CHL1: variants seen among roughly 807,000 people sequenced by gnomAD.
CHL1 encodes neural cell adhesion molecule L1-like protein.
CHL1 carries 96 observed loss-of-function variants against 141.9 expected under a neutral mutation model. That is an observed-to-expected ratio of 0.68 (90% CI 0.57 to 0.80). The LOEUF is 0.80. Ranked by LOEUF, CHL1 falls within the 30% of genes least tolerant of loss-of-function variation. The pLI is 0.00. For missense variants in CHL1, 1,820 were observed against 1,457.2 expected (o/e 1.25, Z -4.05); for synonymous variants, 613 against 502.2 (o/e 1.22, Z -2.95).
Position 199,353 on chromosome 3 carries a change from TG to T in CHL1, c.-175+2291del. On this transcript the variant is annotated intron_variant, in intron 1 of 27. Transcript: ENST00000256509. Reference sequence around the variant, plus strand: ...ACTTCACTGCAGCACAAGACTATGATGATGAATATATGTTTCCCAGATTGTT... The same window carrying T: ...ACTTCACTGCAGCACAAGACTATGATATGAATATATGTTTCCCAGATTGTT... Among the ~76,000 whole-genome samples the T allele has an allele frequency of 2.6e-5, 4 of 152,344 alleles. No homozygotes were observed. In the Middle Eastern group the frequency reaches 0.01, roughly 389 times the overall value.
At chr3:213,091 C>T (rs1225757330) in intron 1 of CHL1, 1 of 152,150 alleles carries the variant, frequency 6.6e-6, no homozygotes, top group Non-Finnish European at 1.5e-5. Context: ...TTTGTGCCTG[C>T]CCCAGACTCT....
chr3:206,949 A>G (rs1699493770), intron 1 of CHL1, among the ~76,000 whole-genome samples: 1 of 152,206 alleles, frequency 6.6e-6, no homozygotes, highest in South Asian at 2.1e-4. Flanking sequence ...TCCAGATTAA[A>G]ATAGAAATCG....
intron 15 of CHL1, among the ~76,000 whole-genome samples, chr3:369,994 G>C (rs1705415896): frequency 6.6e-6 from 1 of 152,172 alleles, no homozygotes; most frequent in Non-Finnish European, 1.5e-5. Context: ...GCTGGATTTG[G>C]TCTGCCAGTA....
intron 2 of CHL1, among the ~76,000 whole-genome samples, chr3:281,836 A>T (rs1696686360): frequency 6.6e-6 from 1 of 152,226 alleles, no homozygotes; most frequent in African/African-American, 2.4e-5. Context: ...CTGGGATTAC[A>T]GGCGTGAGCC....
intron 1 of CHL1, among the ~76,000 whole-genome samples, chr3:213,979 A>T (rs1700101024): frequency 6.6e-6 from 1 of 152,186 alleles, no homozygotes; most frequent in Admixed American, 6.5e-5. Flanking sequence ...CCCTAATTTG[A>T]GTCAGGTTAG....
chr3:318,354 A>C (rs1376179993), intron 2 of CHL1, among the ~76,000 whole-genome samples: 1 of 151,870 alleles, frequency 6.6e-6, no homozygotes, highest in African/African-American at 2.4e-5. Context: ...GTGTTAGCTA[A>C]CTTTTTTCAC....
chr3:337,507 C>T (rs2125124823), intron 5 of CHL1, among the ~76,000 whole-genome samples: 1 of 150,014 alleles, frequency 6.7e-6, no homozygotes, highest in African/African-American at 2.4e-5. Flanking sequence ...CCAATGCTAT[C>T]CCTCCCCTCT....
intron 2 of CHL1, among the ~76,000 whole-genome samples, chr3:304,141 C>G (rs1482026030): frequency 6.6e-6 from 1 of 152,096 alleles, no homozygotes; most frequent in Non-Finnish European, 1.5e-5. Flanking sequence ...ATTCCATTTG[C>G]TAGTATTTTA....
At chr3:336,385 AC>A (rs1701865995) in intron 5 of CHL1, among the ~76,000 whole-genome samples, 1 of 152,108 alleles carries the variant, frequency 6.6e-6, no homozygotes, top group African/African-American at 2.4e-5. Flanking sequence ...TTTTTTCATC[AC>A]AGTGGTTAGT....
At chr3:378,435 C>T (rs1190635920) in intron 16 of CHL1, among the ~76,000 whole-genome samples, 2 of 152,018 alleles carry the variant, frequency 1.3e-5, no homozygotes, top group African/African-American at 2.4e-5. Context: ...TGATTTTTGT[C>T]GTTGTTGTTG....
chr3:301,180 C>A (rs1191218646), intron 2 of CHL1, among the ~76,000 whole-genome samples: 4 of 152,108 alleles, frequency 2.6e-5, no homozygotes, highest in Non-Finnish European at 5.9e-5. Context: ...ATTCAGACCC[C>A]AGAGTGTCTA....
chr3:399,076 G>A lies in CHL1; in HGVS notation c.3313G>A (p.Ala1105Thr), dbSNP rs762125709. 6.8e-6 allele frequency: 11 copies of A among 1,608,510 alleles called. No homozygotes were observed. Among genetic ancestry groups the A allele is most frequent in the Admixed American group, 3.3e-5 (2 of 60,010 alleles). Residue 1105 changes from alanine to threonine, a missense_variant, in exon 26 of 28, where the codon GCG becomes ACG. Transcript: ENST00000256509. ...TQGWFIGLMC[A>T]IALLTLLLLT... Reference sequence around the variant, plus strand: ...AGGCTGGTTTATTGGACTGATGTGTGCGATTGCTCTTCTCACACTACTATT... The same window carrying A: ...AGGCTGGTTTATTGGACTGATGTGTACGATTGCTCTTCTCACACTACTATT...
intron 9 of CHL1, among the ~76,000 whole-genome samples, chr3:345,775 G>C (rs1702721174): frequency 6.6e-6 from 1 of 152,190 alleles, no homozygotes; most frequent in Non-Finnish European, 1.5e-5. Context: ...GAGCCACCGG[G>C]CCCAGCCCGC....
chr3:313,950 A>G (rs1699953246), intron 2 of CHL1, among the ~76,000 whole-genome samples: 1 of 152,134 alleles, frequency 6.6e-6, no homozygotes, highest in Non-Finnish European at 1.5e-5. Flanking sequence ...AGAAAAAGCA[A>G]TGAGTTACAT....
chr3:276,662 G>T (rs890669421), intron 2 of CHL1, among the ~76,000 whole-genome samples: 3 of 151,868 alleles, frequency 2.0e-5, no homozygotes, highest in African/African-American at 7.3e-5. Flanking sequence ...GGCCGAGGGG[G>T]GCGGATCACG....
intron 2 of CHL1, among the ~76,000 whole-genome samples, chr3:300,547 G>A (rs548898499): frequency 6.6e-6 from 1 of 152,194 alleles, no homozygotes; most frequent in Admixed American, 6.5e-5. Context: ...TATTTTATAT[G>A]TACTCACTAT....
intron 16 of CHL1, 23 bp from the exon 17 acceptor site, chr3:382,156 T>C: frequency 6.3e-7 from 1 of 1,586,940 alleles, no homozygotes; most frequent in Non-Finnish European, 8.6e-7. Context: ...ATTATCTACA[T>C]TTTCCCTTCC....
intron 1 of CHL1, among the ~76,000 whole-genome samples, chr3:240,974 G>C (rs3872654): frequency 0.51 from 77,133 of 151,944 alleles, 21,227 homozygotes; most frequent in Non-Finnish European, 0.62. Context: ...TTTTATACAA[G>C]TACCATGCTG....
Position 326,655 on chromosome 3 carries a change from T to C in CHL1, c.197+591T>C, listed in dbSNP as rs141348438. 3.3e-3 allele frequency among the ~76,000 whole-genome samples: 498 copies of C among 151,956 alleles called. 5 individuals are homozygous for C. Among genetic ancestry groups the C allele is most frequent in the Middle Eastern group, 6.8e-3 (2 of 294 alleles). ...ATGAGCTTTTTCAAAATACCTTCTA[T>C]GTTTGGGGAGGAAGAAAAAAATGTG... On this transcript the variant is annotated intron_variant, in intron 4 of 27. Transcript: ENST00000256509.
Sources: gnomAD v4.1 joint callset for allele counts (sites outside exome capture counted in the v4.1 genomes callset) on GRCh38, gnomAD v4.1.1 for gene constraint, MANE v1.5 for transcripts, NCBI Gene and HGNC (gene_info 2026-07-23, HGNC 2026-07-21) for gene names.